The following ZNF804B variants were observed in gnomAD, a reference collection of about 807,000 sequenced individuals.
The protein encoded by ZNF804B is zinc finger 804B.
In ZNF804B, 80 loss-of-function variants were observed where a neutral mutation model predicts 101.4. The ratio of observed to expected loss-of-function variants is 0.79; its 90% CI spans 0.66 to 0.95. The LOEUF (loss-of-function observed/expected upper bound fraction) is 0.95, where lower values mean the gene tolerates loss of function less well. ZNF804B is among the 40% of genes least tolerant of loss of function. ZNF804B has a pLI of 0.00. For missense variants in ZNF804B, 1,673 were observed against 1,561.9 expected (o/e 1.07, Z -1.20); for synonymous variants, 622 against 558.8 (o/e 1.11, Z -1.59).
At chr7:88,899,222 T>C (rs1286157354) in intron 1 of ZNF804B, among the ~76,000 whole-genome samples, 2 of 152,192 alleles carry the variant, frequency 1.3e-5, no homozygotes, top group Non-Finnish European at 2.9e-5. Context: ...ACAATTTTTT[T>C]TCTTACACTT....
chr7:88,854,533 T>TTCCTTCCCTC (rs796987599), intron 1 of ZNF804B, among the ~76,000 whole-genome samples: 3 of 78,196 alleles, frequency 3.8e-5, no homozygotes, highest in East Asian at 6.0e-4. Flanking sequence ...TTCCTTTCCT[T>TTCCTTCCCTC]CCTTCCTTCC....
At chr7:88,793,218 A>C (rs1022327668) in intron 1 of ZNF804B, among the ~76,000 whole-genome samples, 26 of 152,174 alleles carry the variant, frequency 1.7e-4, no homozygotes, top group Non-Finnish European at 5.9e-5. Flanking sequence ...AATGCAAAAA[A>C]TATTCATCTG....
chr7:88,989,256 A>G (rs1793809486), intron 1 of ZNF804B, among the ~76,000 whole-genome samples: 1 of 152,060 alleles, frequency 6.6e-6, no homozygotes, highest in South Asian at 2.1e-4. Flanking sequence ...TTGGCTTCCC[A>G]AAGTGCTGGG....
chr7:89,214,432 A>G (rs1184332402), intron 1 of ZNF804B, among the ~76,000 whole-genome samples: 1 of 152,174 alleles, frequency 6.6e-6, no homozygotes, highest in African/African-American at 2.4e-5. Flanking sequence ...AACTTTACTG[A>G]TACTGAGAAT....
chr7:89,077,583 C>T (rs1283582142), intron 1 of ZNF804B, among the ~76,000 whole-genome samples: 1 of 152,080 alleles, frequency 6.6e-6, no homozygotes, highest in African/African-American at 2.4e-5. Flanking sequence ...TGATATAGCA[C>T]TTTATGTTCT....
chr7:89,121,926 A>G (rs551603942), intron 1 of ZNF804B, among the ~76,000 whole-genome samples: 1 of 152,130 alleles, frequency 6.6e-6, no homozygotes, highest in Non-Finnish European at 1.5e-5. Context: ...TGTAGGCAAT[A>G]GTTATTTGAA....
At chr7:89,005,862 A>C (rs1431004030) in intron 1 of ZNF804B, among the ~76,000 whole-genome samples, 2 of 152,078 alleles carry the variant, frequency 1.3e-5, no homozygotes, top group Non-Finnish European at 2.9e-5. Flanking sequence ...CTCCTTTTCT[A>C]CACCAGATTC....
intron 1 of ZNF804B, among the ~76,000 whole-genome samples, chr7:88,811,387 A>G (rs183319643): frequency 2.6e-5 from 4 of 152,234 alleles, no homozygotes; most frequent in African/African-American, 9.6e-5. Flanking sequence ...ACACTTTTAC[A>G]CTGTTGGCGG....
intron 1 of ZNF804B, among the ~76,000 whole-genome samples, chr7:89,201,600 A>C (rs899886852): frequency 6.6e-5 from 10 of 152,066 alleles, no homozygotes; most frequent in African/African-American, 1.7e-4. Flanking sequence ...AAGGATCATA[A>C]CTACTACCTA....
At chr7:89,301,112 T>TG (rs948561238) in intron 2 of ZNF804B, among the ~76,000 whole-genome samples, 1 of 149,658 alleles carries the variant, frequency 6.7e-6, no homozygotes, top group Non-Finnish European at 1.5e-5. Flanking sequence ...TTTTTTTTTT[T>TG]TTTTTTTTTT....
intron 1 of ZNF804B, among the ~76,000 whole-genome samples, chr7:89,023,593 G>A (rs1255164236): frequency 6.6e-6 from 1 of 151,896 alleles, no homozygotes; most frequent in Non-Finnish European, 1.5e-5. Context: ...TTTTCACTGG[G>A]TATGTAGACT....
intron 1 of ZNF804B, among the ~76,000 whole-genome samples, chr7:88,894,762 T>C (rs1792262803): frequency 6.6e-6 from 1 of 152,174 alleles, no homozygotes; most frequent in Admixed American, 6.5e-5. Context: ...CTAAATAGGC[T>C]ATATACTGCA....
At chr7:89,069,886 G>C (rs1161083126) in intron 1 of ZNF804B, among the ~76,000 whole-genome samples, 1 of 152,162 alleles carries the variant, frequency 6.6e-6, no homozygotes, top group Non-Finnish European at 1.5e-5. Context: ...AATAATACCT[G>C]CTGGCAGGAT....
intron 2 of ZNF804B, among the ~76,000 whole-genome samples, chr7:89,222,664 C>T (rs896683336): frequency 6.6e-6 from 1 of 151,860 alleles, no homozygotes; most frequent in Non-Finnish European, 1.5e-5. Context: ...CTTCTCTCTC[C>T]CTGAAGTGCC....
At chr7:89,041,147 T>A (rs1175576312) in intron 1 of ZNF804B, among the ~76,000 whole-genome samples, 1 of 152,036 alleles carries the variant, frequency 6.6e-6, no homozygotes. Flanking sequence ...AGGACTAACC[T>A]CACACTGTGT....
chr7:88,965,326 A>T lies in ZNF804B; in HGVS notation c.108+205242A>T, dbSNP rs561663412. ...CTTTTGTTTCTCTCTTTGTTTTGGA[A>T]GCTGGAATCAATGGAATTTCTCAAC... On this transcript the variant is annotated intron_variant, in intron 1 of 3. Coordinates refer to ENST00000333190, the MANE Select transcript of ZNF804B (RefSeq NM_181646.5). Among the ~76,000 whole-genome samples the T allele has an allele frequency of 2.0e-5, 3 of 151,398 alleles. No homozygotes were observed. In the East Asian group the frequency reaches 5.9e-4, roughly 30 times the overall value.
chr7:89,171,344 T>C (rs375438470), intron 1 of ZNF804B, among the ~76,000 whole-genome samples: 10,728 of 119,044 alleles, frequency 0.09, 743 homozygotes, highest in South Asian at 0.17. Context: ...CTTCTTCTTC[T>C]TCTTCTTCTT....
At chr7:88,885,743 C>G (rs1792116296) in intron 1 of ZNF804B, among the ~76,000 whole-genome samples, 1 of 151,264 alleles carries the variant, frequency 6.6e-6, no homozygotes, top group African/African-American at 2.4e-5. Context: ...AGAATATCTT[C>G]TTGTCATTGT....
At chr7:88,787,516 G>A (rs1790320183) in intron 1 of ZNF804B, among the ~76,000 whole-genome samples, 1 of 152,066 alleles carries the variant, frequency 6.6e-6, no homozygotes, top group Non-Finnish European at 1.5e-5. Context: ...TAAAAGATGA[G>A]GTTTGCACAG....
Sources: allele counts gnomAD v4.1 joint callset (sites outside exome capture counted in the v4.1 genomes callset), GRCh38; gene constraint gnomAD v4.1.1; transcripts MANE v1.5; gene names NCBI Gene and HGNC (gene_info 2026-07-23, HGNC 2026-07-21).